Variants in CYP3A43 observed in about 807,000 individuals in gnomAD.
The protein encoded by CYP3A43 is cytochrome P450 3A43.
Under a neutral mutation model 58.0 loss-of-function variants are expected in CYP3A43, and 45 were observed. The ratio of observed to expected loss-of-function variants is 0.78; its 90% confidence interval spans 0.61 to 0.99. The LOEUF (loss-of-function observed/expected upper bound fraction) is 0.99. Ranked by LOEUF, CYP3A43 falls within the 50% of genes least tolerant of loss-of-function variation. CYP3A43 has a pLI of 0.00. For missense variants in CYP3A43, 593 were observed against 591.9 expected (o/e 1.00, Z -0.02); for synonymous variants, 191 against 201.4 (o/e 0.95, Z 0.44).
At chr7:99,831,357 G>A (rs1316116714) in intron 1 of CYP3A43, among the ~76,000 whole-genome samples, 1 of 152,194 alleles carries the variant, frequency 6.6e-6, no homozygotes, top group Non-Finnish European at 1.5e-5. Context: ...ATGCTATGTA[G>A]CACAGTGAAA....
Position 99,828,188 on chromosome 7 carries a change from T to C in CYP3A43, c.71+2T>C. ...TACCAGCCTGGTACTCCTCTATATGTGAGTAACTATGCAGGCATGTTTGCT... is the reference window on the plus strand; with the variant it reads ...TACCAGCCTGGTACTCCTCTATATGCGAGTAACTATGCAGGCATGTTTGCT... On this transcript the variant is annotated splice_donor_variant, in intron 1 of 12. Coordinates refer to ENST00000354829, the MANE Select transcript of CYP3A43 (RefSeq NM_057095.3). LOFTEE classifies it high-confidence loss of function. 6.2e-7 allele frequency: 1 copy of C among 1,601,306 alleles called. No homozygotes were observed. The highest frequency in any genetic ancestry group is 2.2e-5 in the East Asian group (1 of 44,796).
intron 2 of CYP3A43, among the ~76,000 whole-genome samples, chr7:99,837,984 A>G (rs942061890): frequency 6.6e-6 from 1 of 152,218 alleles, no homozygotes; most frequent in African/African-American, 2.4e-5. Context: ...TAAGAATTTC[A>G]TCCTTTTTTA....
intron 9 of CYP3A43, among the ~76,000 whole-genome samples, chr7:99,858,559 G>A (rs892918097): frequency 5.3e-5 from 8 of 151,994 alleles, no homozygotes; most frequent in Non-Finnish European, 7.4e-5. Flanking sequence ...GATGCTATTC[G>A]GGCCAGGATG....
At position 99,844,213 on chromosome 7, in the gene CYP3A43, G is replaced by C. The variant is rs952187634; in HGVS notation, c.289G>C (p.Glu97Gln). Reference sequence around the variant, plus strand: ...CATGATCAAAACAGTGTTAGTGAAAGAATGTTACTCTGTCTTCACAAACCA... The same window carrying C: ...CATGATCAAAACAGTGTTAGTGAAACAATGTTACTCTGTCTTCACAAACCA... ...PDMIKTVLVK[E>Q]CYSVFTNQMP... Residue 97 changes from glutamate to glutamine, a missense_variant, in exon 4 of 13, where the codon GAA (glutamate) becomes CAA (glutamine). By Grantham distance (29) the Glu-to-Gln change is conservative. Transcript: ENST00000354829. 2.5e-6 allele frequency: 4 copies of C among 1,613,872 alleles called. No individual in the cohort carries two copies. The highest frequency in any genetic ancestry group is 3.3e-5 in the Admixed American group (2 of 59,982).
intron 1 of CYP3A43, among the ~76,000 whole-genome samples, chr7:99,831,641 TAAC>T: frequency 6.6e-6 from 1 of 152,260 alleles, no homozygotes; most frequent in Non-Finnish European, 1.5e-5. Flanking sequence ...AGTTCACACA[TAAC>T]CCATCAAAGA....
chr7:99,836,320 G>A (rs1419652475), intron 1 of CYP3A43, 133 bp from the exon 2 acceptor site: 3 of 680,954 alleles, frequency 4.4e-6, no homozygotes, highest in African/African-American at 1.8e-5. Flanking sequence ...TGCCATCAGA[G>A]TTTCTGTTGT....
rs759541976 is a variant in CYP3A43 at position 99,855,731 on chromosome 7, G to T, written c.798+13G>T. On this transcript the variant is annotated intron_variant, in intron 8 of 12. Transcript: ENST00000354829. ...AGATAAACAAAAGGTAAAATCTGGTGGTGGTGACATGAGAATGTTCACTTT... is the reference window on the plus strand; with the variant it reads ...AGATAAACAAAAGGTAAAATCTGGTTGTGGTGACATGAGAATGTTCACTTT... 1 of 1,597,798 alleles carries T rather than the reference G, an allele frequency of 6.3e-7. No homozygotes were observed. Among genetic ancestry groups the T allele is most frequent in the Non-Finnish European group, 8.5e-7 (1 of 1,172,216 alleles).
chr7:99,856,804 G>A lies in CYP3A43; in HGVS notation c.799-29G>A, dbSNP rs376576818. 4.3e-6 allele frequency: 7 copies of A among 1,613,256 alleles called. No homozygotes were observed. The African/African-American group carries it at 5.3e-5, about 12-fold the overall frequency. On this transcript the variant is annotated intron_variant, in intron 8 of 12. Coordinates refer to ENST00000354829, the MANE Select transcript of CYP3A43 (RefSeq NM_057095.3). ...CTTCTGACTTCACAAGTGACTTTCTGTCATTAAAATTTCTCTTTTTGCTTC... is the reference window on the plus strand; with the variant it reads ...CTTCTGACTTCACAAGTGACTTTCTATCATTAAAATTTCTCTTTTTGCTTC...
At chr7:99,856,762 A>G (rs1817995179) in intron 8 of CYP3A43, 71 bp from the exon 9 acceptor site, 1 of 1,528,082 alleles carries the variant, frequency 6.5e-7, no homozygotes, top group African/African-American at 1.4e-5. Flanking sequence ...GGTGCTTAGG[A>G]CTGGACTCCT....
intron 10 of CYP3A43, among the ~76,000 whole-genome samples, chr7:99,861,293 T>A (rs1276929126): frequency 6.6e-6 from 1 of 152,196 alleles, no homozygotes; most frequent in East Asian, 1.9e-4. Context: ...GGCTTTGGCA[T>A]ATTTTAGGTG....
chr7:99,842,184 A>G (rs1454802449), intron 3 of CYP3A43, among the ~76,000 whole-genome samples: 1 of 152,212 alleles, frequency 6.6e-6, no homozygotes. Context: ...CTAACTCTGC[A>G]AAGGAAACTT....
At chr7:99,844,068 CT>C (rs1817445713) in intron 3 of CYP3A43, 74 bp from the exon 4 acceptor site, 1 of 1,182,704 alleles carries the variant, frequency 8.5e-7, no homozygotes, top group Admixed American at 2.2e-5. Flanking sequence ...GGATCAAAAT[CT>C]GGATTCTTTG....
intron 2 of CYP3A43, chr7:99,838,594 C>G (rs1310086160): frequency 3.6e-6 from 4 of 1,113,298 alleles, no homozygotes; most frequent in Admixed American, 5.5e-5. Flanking sequence ...CATTCAATAT[C>G]TACACTAGTT....
In CYP3A43 at chr7:99,834,640, G is replaced by C. The variant is rs78355281; in HGVS notation, c.72-1813G>C. Reference sequence around the variant, plus strand: ...CTTAGAATAGACAGTGGAGGGAAAGGGTTTTGATCTTGTAAGTAGGAGTTG... The same window carrying C: ...CTTAGAATAGACAGTGGAGGGAAAGCGTTTTGATCTTGTAAGTAGGAGTTG... On this transcript the variant is annotated intron_variant, in intron 1 of 12. Transcript: ENST00000354829. Among the ~76,000 whole-genome samples the C allele has an allele frequency of 1.2e-3, 186 of 152,006 alleles. 2 individuals are homozygous for C. The East Asian group carries it at 0.034, about 28-fold the overall frequency.
At chr7:99,853,368 T>G (rs998661561) in intron 7 of CYP3A43, among the ~76,000 whole-genome samples, 4 of 152,236 alleles carry the variant, frequency 2.6e-5, no homozygotes, top group African/African-American at 7.2e-5. Context: ...GTTATCTAAT[T>G]TATACAATTG....
At chr7:99,850,272 T>G (rs1817709385) in intron 7 of CYP3A43, among the ~76,000 whole-genome samples, 1 of 151,504 alleles carries the variant, frequency 6.6e-6, no homozygotes, top group South Asian at 2.1e-4. Flanking sequence ...CTTTCTTTCT[T>G]TCTTTTTTTA....
intron 6 of CYP3A43, among the ~76,000 whole-genome samples, chr7:99,848,495 C>T (rs924944832): frequency 6.6e-6 from 1 of 152,132 alleles, no homozygotes; most frequent in Non-Finnish European, 1.5e-5. Flanking sequence ...ACATTGTCCC[C>T]TTGGATATTC....
intron 12 of CYP3A43, among the ~76,000 whole-genome samples, chr7:99,864,018 T>G (rs193298421): frequency 8.1e-5 from 12 of 148,694 alleles, no homozygotes; most frequent in Non-Finnish European, 1.5e-5. Context: ...TGCACAATCA[T>G]GAAGTGCAAT....
intron 9 of CYP3A43, 24 bp from the exon 10 acceptor site, chr7:99,859,806 A>G: frequency 6.2e-7 from 1 of 1,613,822 alleles, no homozygotes. Context: ...CACTTTTCCT[A>G]AAATATATTT....
Sources: gnomAD v4.1 joint callset for allele counts (sites outside exome capture counted in the v4.1 genomes callset) on GRCh38, gnomAD v4.1.1 for gene constraint, MANE v1.5 for transcripts, NCBI Gene and HGNC (gene_info 2026-07-23, HGNC 2026-07-21) for gene names.